Variants in KIAA1217 observed in about 807,000 individuals in gnomAD.
KIAA1217 encodes KIAA1217.
KIAA1217 carries 88 observed loss-of-function variants against 163.9 expected under a neutral mutation model. The observed-to-expected ratio is 0.54, with a 90% CI of 0.45 to 0.64. The LOEUF is 0.64. Ranked by LOEUF, KIAA1217 falls within the 30% of genes least tolerant of loss-of-function variation. The probability of loss-of-function intolerance (pLI) is 0.00; values close to 1 mark genes in which losing one functional copy is unlikely to be tolerated. For missense variants in KIAA1217, 2,372 were observed against 2,475.0 expected, an observed-to-expected ratio of 0.96 and a Z score of 0.88; for synonymous variants, 903 against 923.1, an observed-to-expected ratio of 0.98 and a Z score of 0.39.
At chr10:23,952,495 C>A (rs1844383161) in intron 1 of KIAA1217, among the ~76,000 whole-genome samples, 1 of 152,142 alleles carries the variant, frequency 6.6e-6, no homozygotes, top group Admixed American at 6.5e-5. Flanking sequence ...TTCAAACAGG[C>A]AATTCTAAGT....
At chr10:24,139,423 T>G (rs1262491063) in intron 2 of KIAA1217, among the ~76,000 whole-genome samples, 7 of 152,176 alleles carry the variant, frequency 4.6e-5, no homozygotes, top group Admixed American at 2.6e-4. Flanking sequence ...GTTGTCTCGA[T>G]CATCTATATG....
At chr10:24,063,643 G>T (rs1487782059) in intron 2 of KIAA1217, among the ~76,000 whole-genome samples, 9 of 152,160 alleles carry the variant, frequency 5.9e-5, no homozygotes, top group Non-Finnish European at 1.2e-4. Flanking sequence ...GGTTCCATAT[G>T]AACTTTAAAG....
At chr10:24,495,217 C>T in intron 8 of KIAA1217, 21 bp downstream of exon 8, 1 of 1,606,348 alleles carries the variant, frequency 6.2e-7, no homozygotes, top group Middle Eastern at 1.7e-4. Context: ...GTTTTTGGAG[C>T]TGTAGGAGGC....
chr10:23,710,881 G>A (rs1302664599), intron 1 of KIAA1217, among the ~76,000 whole-genome samples: 2 of 152,038 alleles, frequency 1.3e-5, no homozygotes, highest in Non-Finnish European at 2.9e-5. Flanking sequence ...TATTCTCTAG[G>A]GTCTGATCAA....
At chr10:23,784,500 T>G (rs575435591) in intron 1 of KIAA1217, among the ~76,000 whole-genome samples, 11 of 152,276 alleles carry the variant, frequency 7.2e-5, no homozygotes, top group Admixed American at 6.5e-5. Flanking sequence ...GTGGGGTTTT[T>G]TTTGTTTGTT....
At chr10:24,168,485 G>A (rs1012718765) in intron 2 of KIAA1217, among the ~76,000 whole-genome samples, 1 of 152,194 alleles carries the variant, frequency 6.6e-6, no homozygotes, top group African/African-American at 2.4e-5. Flanking sequence ...CTGTGCTATG[G>A]AGACCTTTGT....
At chr10:24,087,243 G>A (rs919441) in intron 2 of KIAA1217, among the ~76,000 whole-genome samples, 324 of 152,236 alleles carry the variant, frequency 2.1e-3, no homozygotes, top group African/African-American at 6.8e-3. Context: ...TGGCCTAATG[G>A]CAATTTTTTC....
intron 2 of KIAA1217, among the ~76,000 whole-genome samples, chr10:24,164,924 G>T (rs1307354730): frequency 6.6e-6 from 1 of 152,202 alleles, no homozygotes; most frequent in South Asian, 2.1e-4. Flanking sequence ...GACAGGAAGG[G>T]TGCCTTCCCC....
At chr10:24,209,317 G>T (rs965679248) in intron 1 of KIAA1217, 54 bp downstream of exon 1, 20 of 1,361,540 alleles carry the variant, frequency 1.5e-5, no homozygotes, top group Non-Finnish European at 2.0e-5. Context: ...GCCCCTTGCC[G>T]CTTGCTGCTT....
intron 1 of KIAA1217, among the ~76,000 whole-genome samples, chr10:23,714,659 G>A (rs1837461270): frequency 6.6e-6 from 1 of 152,006 alleles, no homozygotes; most frequent in South Asian, 2.1e-4. Flanking sequence ...CTCTCCCTTT[G>A]TGACTGTTCC....
chr10:23,886,218 C>T (rs956691029), intron 1 of KIAA1217, among the ~76,000 whole-genome samples: 1 of 151,874 alleles, frequency 6.6e-6, no homozygotes, highest in African/African-American at 2.4e-5. Context: ...TTTCCAGTAG[C>T]CAAGTGTTCC....
intron 2 of KIAA1217, among the ~76,000 whole-genome samples, chr10:24,313,842 T>TG (rs2043016533): frequency 6.9e-6 from 1 of 145,276 alleles, no homozygotes; most frequent in Non-Finnish European, 1.5e-5. Flanking sequence ...TCCATCTGGT[T>TG]GTTTTTTTTT....
intron 3 of KIAA1217, among the ~76,000 whole-genome samples, chr10:24,420,058 T>C (rs984738029): frequency 5.3e-4 from 81 of 151,916 alleles, no homozygotes; most frequent in African/African-American, 1.9e-3. Flanking sequence ...ACATGTGAGA[T>C]TTTCTCTGCG....
chr10:23,884,099 G>A (rs1177751463), intron 1 of KIAA1217, among the ~76,000 whole-genome samples: 1 of 151,898 alleles, frequency 6.6e-6, no homozygotes, highest in Admixed American at 6.6e-5. Flanking sequence ...TGGCCATTAA[G>A]TTTTCAACTC....
intron 1 of KIAA1217, among the ~76,000 whole-genome samples, chr10:23,906,525 T>A (rs776793266): frequency 7.9e-5 from 12 of 152,192 alleles, no homozygotes; most frequent in Non-Finnish European, 1.2e-4. Flanking sequence ...TGCAAAGTAG[T>A]TTAGTTACCA....
intron 2 of KIAA1217, among the ~76,000 whole-genome samples, chr10:24,300,725 A>G (rs1044241728): frequency 6.6e-6 from 1 of 151,848 alleles, no homozygotes; most frequent in African/African-American, 2.4e-5. Context: ...GCACCACCAC[A>G]CCTGGCTAAT....
rs74378357 is a variant in KIAA1217, at chr10:24,352,590, G to T, written c.355-28279G>T. On this transcript the variant is annotated intron_variant, in intron 2 of 20. Coordinates refer to ENST00000376454, the MANE Select transcript of KIAA1217 (RefSeq NM_019590.5). ...TGGATTTTAGAACAATGCAGTCAAG[G>T]TTATTCTTGCTCAGTAATCTTGCCT... Among the ~76,000 whole-genome samples the T allele has an allele frequency of 2.5e-3, 384 of 152,244 alleles. 3 individuals carry two copies. The highest frequency in any genetic ancestry group is 8.6e-3 in the African/African-American group (359 of 41,540).
chr10:23,889,192 T>G (rs531776131), intron 1 of KIAA1217, among the ~76,000 whole-genome samples: 1 of 152,070 alleles, frequency 6.6e-6, no homozygotes, highest in African/African-American at 2.4e-5. Flanking sequence ...TGAATACTTT[T>G]GGCTCATAGC....
rs1225825344 is a variant in KIAA1217, at chr10:24,386,586, T to TC, written c.553+5519_553+5520insC. On this transcript the variant is annotated intron_variant, in intron 3 of 20. Coordinates refer to ENST00000376454, the MANE Select transcript of KIAA1217 (RefSeq NM_019590.5). Reference sequence around the variant, plus strand: ...TATTTTATTTATTTATTTATTTATTTATTTAGAGACAGGGTCTTTCTCTGT... The same window carrying TC: ...TATTTTATTTATTTATTTATTTATTTCATTTAGAGACAGGGTCTTTCTCTGT... Among the ~76,000 whole-genome samples the TC allele has an allele frequency of 6.6e-5, 10 of 152,234 alleles. No homozygotes were observed. In the East Asian group the frequency reaches 1.9e-3, roughly 29 times the overall value.
Sources: allele counts gnomAD v4.1 joint callset (sites outside exome capture counted in the v4.1 genomes callset), GRCh38; gene constraint gnomAD v4.1.1; transcripts MANE v1.5; gene names NCBI Gene and HGNC (gene_info 2026-07-23, HGNC 2026-07-21).